Variants in DSTYK observed in about 807,000 individuals in gnomAD.
DSTYK encodes the protein dual serine/threonine and tyrosine protein kinase.
DSTYK carries 34 observed loss-of-function variants against 98.7 expected under a neutral mutation model. The observed-to-expected ratio is 0.34, with a 90% CI of 0.26 to 0.46. The LOEUF (loss-of-function observed/expected upper bound fraction) is 0.46, where lower values mean the gene tolerates loss of function less well. Ranked by LOEUF, DSTYK falls within the 20% of genes least tolerant of loss-of-function variation. DSTYK has a pLI of 1.00. For synonymous variants in DSTYK, 462 were observed against 457.3 expected (o/e 1.01, Z -0.13); for missense variants, 962 against 1,181.7 (o/e 0.81, Z 2.73).
intron 10 of DSTYK, among the ~76,000 whole-genome samples, chr1:205,151,782 C>CTA (rs974562394): frequency 4.6e-5 from 7 of 151,496 alleles, no homozygotes; most frequent in Middle Eastern, 3.4e-3. Flanking sequence ...TCAGGATCAT[C>CTA]TATATCACTG....
chr1:205,211,488 G>T lies in DSTYK; in HGVS notation c.48C>A (p.Pro16=). The change falls in exon 1 of 13, where the codon CCC becomes CCA. Residue 16 remains proline (P), a synonymous_variant. Transcript: ENST00000367162. ...GGATCATTCCGCCGCCGCCGGGGCCGGGACCCGAGACGGGCTCGCTGCCCC... is the reference window on the plus strand; with the variant it reads ...GGATCATTCCGCCGCCGCCGGGGCCTGGACCCGAGACGGGCTCGCTGCCCC... ...VPWGSEPVSG[P]GPGGGGMIRE... 6.3e-7 allele frequency: 1 copy of T among 1,582,360 alleles called. No individual in the cohort carries two copies. The highest frequency in any genetic ancestry group is 2.3e-5 in the East Asian group (1 of 43,262).
At position 205,160,097 on chromosome 1, in the gene DSTYK, A is replaced by T; in HGVS notation, c.2105+17T>A. 2 of 1,613,918 alleles carry T rather than the reference A, an allele frequency of 1.2e-6. No homozygotes were observed. The highest frequency in any genetic ancestry group is 1.7e-6 in the Non-Finnish European group (2 of 1,179,800). On this transcript the variant is annotated intron_variant, in intron 8 of 12. Coordinates refer to ENST00000367162, the MANE Select transcript of DSTYK (RefSeq NM_015375.3). ...CTCTGGATCTTTCTCATAGAGATGA[A>T]TGAGGCCAGGACCCACCTCATATAG...
chr1:205,201,297 T>C (rs139289408), intron 1 of DSTYK, among the ~76,000 whole-genome samples: 1,611 of 151,930 alleles, frequency 0.011, 15 homozygotes, highest in African/African-American at 0.023. Flanking sequence ...CCATTCTCCA[T>C]GATGTGTTTA....
chr1:205,173,723 G>GT lies in DSTYK; in HGVS notation c.655-3892dup, dbSNP rs1194952875. Among the ~76,000 whole-genome samples the GT allele has an allele frequency of 6.0e-3, 860 of 143,964 alleles. 10 individuals carry two copies. The highest frequency in any genetic ancestry group is 0.023 in the South Asian group (103 of 4,538). 94.4% of individuals were successfully genotyped at this position (143,964 alleles called of 152,430 possible). ...GTCCATTTGTAAGACCAATACGGTT[G>GT]TTTTTTTTTTTTTGAGATGAAGTCT... On this transcript the variant is annotated intron_variant, in intron 2 of 12. Transcript: ENST00000367162.
At chr1:205,171,800 G>C (rs1408465293) in intron 2 of DSTYK, among the ~76,000 whole-genome samples, 2 of 152,146 alleles carry the variant, frequency 1.3e-5, no homozygotes, top group African/African-American at 4.8e-5. Context: ...ATATTTTAGA[G>C]TTATAAAAGA....
intron 2 of DSTYK, among the ~76,000 whole-genome samples, chr1:205,171,043 A>C (rs1574768412): frequency 6.6e-6 from 1 of 150,768 alleles, no homozygotes; most frequent in South Asian, 2.1e-4. Flanking sequence ...AAAAAAAAAA[A>C]CCCAAAAACT....
intron 9 of DSTYK, among the ~76,000 whole-genome samples, chr1:205,158,416 C>A (rs1327857391): frequency 6.6e-6 from 1 of 152,028 alleles, no homozygotes; most frequent in Non-Finnish European, 1.5e-5. Flanking sequence ...ACATAGGGAA[C>A]AGACAAAAGA....
intron 11 of DSTYK, among the ~76,000 whole-genome samples, chr1:205,149,659 C>T (rs910053399): frequency 3.3e-5 from 5 of 152,162 alleles, no homozygotes; most frequent in African/African-American, 1.2e-4. Flanking sequence ...TTGGTTCTTC[C>T]CAAATCATCT....
At chr1:205,149,927 C>A (rs1370723629) in intron 11 of DSTYK, among the ~76,000 whole-genome samples, 1 of 152,166 alleles carries the variant, frequency 6.6e-6, no homozygotes, top group African/African-American at 2.4e-5. Flanking sequence ...CTTCATGCTA[C>A]AGGGTTATAC....
At chr1:205,178,534 C>G (rs1658300405) in intron 2 of DSTYK, among the ~76,000 whole-genome samples, 1 of 152,052 alleles carries the variant, frequency 6.6e-6, no homozygotes, top group African/African-American at 2.4e-5. Context: ...TATTATTAAC[C>G]TTTTATAACA....
rs1232279887 is a variant in DSTYK, at chr1:205,190,801, T to C, written c.266-2995A>G. On this transcript the variant is annotated intron_variant, in intron 1 of 12. Coordinates refer to ENST00000367162, the MANE Select transcript of DSTYK (RefSeq NM_015375.3). Reference sequence around the variant, plus strand: ...TTTCACATAAGTGTCTACGCATGAATGCATACTGACAACCTTTAAATTCCT... The same window carrying C: ...TTTCACATAAGTGTCTACGCATGAACGCATACTGACAACCTTTAAATTCCT... Among the ~76,000 whole-genome samples, 3 of 152,188 alleles carry C rather than the reference T, an allele frequency of 2.0e-5. No homozygotes were observed. The East Asian group carries it at 5.8e-4, about 29-fold the overall frequency.
Position 205,176,491 on chromosome 1 carries a change from A to G in DSTYK, c.655-6659T>C, listed in dbSNP as rs1658235106. Among the ~76,000 whole-genome samples, 5 of 137,536 alleles carry G rather than the reference A, an allele frequency of 3.6e-5. No homozygotes were observed. In the South Asian group the frequency reaches 1.1e-3, roughly 29 times the overall value. 90.2% of individuals were successfully genotyped at this position (137,536 alleles called of 152,430 possible). A position where few individuals can be genotyped will look rare whatever the true frequency, so the allele number is the denominator to read the frequency against. The stretch of plus-strand genomic sequence containing the variant: ...AACTCCCTCTTAAAAAAAAAAAAAA[A>G]AAAAAAAAAAAAAAAAAAGAAATGC... On this transcript the variant is annotated intron_variant, in intron 2 of 12. Coordinates refer to ENST00000367162, the MANE Select transcript of DSTYK (RefSeq NM_015375.3).
intron 2 of DSTYK, among the ~76,000 whole-genome samples, chr1:205,184,168 A>T (rs1658499407): frequency 6.6e-6 from 1 of 152,098 alleles, no homozygotes. Context: ...CAGTGGGAAG[A>T]CACATGCTCA....
Position 205,211,495 on chromosome 1 carries a change from G to A in DSTYK, c.41C>T (p.Ser14Leu). 1 of 1,578,214 alleles carries A rather than the reference G, an allele frequency of 6.3e-7. No homozygotes were observed. Among genetic ancestry groups the A allele is most frequent in the Non-Finnish European group, 8.6e-7 (1 of 1,167,048 alleles). Residue 14 changes from serine to leucine, a missense_variant, in exon 1 of 13, where the codon TCG becomes TTG. This residue lies in a region of DSTYK where 168 missense variants were observed against 120.0 expected (regional missense o/e 1.40). Transcript: ENST00000367162. The part of the protein sequence containing the change: ...DGVPWGSEPV[S>L]GPGPGGGGMI... ...TCCGCCGCCGCCGGGGCCGGGACCCGAGACGGGCTCGCTGCCCCATGGCAC... is the reference window on the plus strand; with the variant it reads ...TCCGCCGCCGCCGGGGCCGGGACCCAAGACGGGCTCGCTGCCCCATGGCAC...
intron 6 of DSTYK, among the ~76,000 whole-genome samples, chr1:205,161,612 C>T (rs541779325): frequency 6.6e-6 from 1 of 152,316 alleles, no homozygotes; most frequent in East Asian, 1.9e-4. Flanking sequence ...TGCCTGGACA[C>T]ACCCACTCCC....
chr1:205,195,531 T>G (rs1233695485), intron 1 of DSTYK, among the ~76,000 whole-genome samples: 1 of 152,214 alleles, frequency 6.6e-6, no homozygotes, highest in Non-Finnish European at 1.5e-5. Flanking sequence ...GACAAACAGA[T>G]GCTTAGGTAG....
intron 12 of DSTYK, 128 bp from the exon 13 acceptor site, chr1:205,147,873 C>T (rs903410669): frequency 1.3e-5 from 11 of 866,260 alleles, no homozygotes; most frequent in African/African-American, 5.1e-5. Flanking sequence ...GTTTTGACTT[C>T]GATTGCAAAC....
intron 1 of DSTYK, chr1:205,202,722 A>G: frequency 2.5e-6 from 2 of 807,812 alleles, no homozygotes; most frequent in Non-Finnish European, 2.1e-6. Context: ...TGAAGAAACA[A>G]AAACTTATGA....
intron 10 of DSTYK, among the ~76,000 whole-genome samples, chr1:205,153,397 A>G (rs1490201179): frequency 6.6e-6 from 1 of 152,152 alleles, no homozygotes; most frequent in African/African-American, 2.4e-5. Context: ...TTAAGCAATA[A>G]CAAAGCTCAG....
Sources: allele counts gnomAD v4.1 joint callset (sites outside exome capture counted in the v4.1 genomes callset), GRCh38; gene constraint gnomAD v4.1.1; regional missense constraint gnomAD v4.1.1; transcripts MANE v1.5; gene names NCBI Gene and HGNC (gene_info 2026-07-23, HGNC 2026-07-21).